PATJ: variants seen among roughly 807,000 people sequenced by gnomAD.
PATJ encodes the protein PATJ crumbs cell polarity complex component.
A neutral mutation model predicts 224.9 loss-of-function variants in PATJ; 190 were observed. The ratio of observed to expected loss-of-function variants is 0.84; its 90% CI spans 0.75 to 0.95. The LOEUF (loss-of-function observed/expected upper bound fraction) is 0.95, where lower values mean the gene tolerates loss of function less well. Among genes scored for constraint, PATJ ranks in the 40% least tolerant of loss-of-function variants. The pLI is 0.00. For synonymous variants in PATJ, 769 were observed against 820.3 expected (o/e 0.94, Z 1.07); for missense variants, 2,121 against 2,270.3 (o/e 0.93, Z 1.34).
chr1:61,866,754 G>A (rs937154215), intron 20 of PATJ, among the ~76,000 whole-genome samples: 5 of 152,108 alleles, frequency 3.3e-5, no homozygotes, highest in Admixed American at 1.3e-4. Flanking sequence ...AAATTTGAGC[G>A]AATCCATAGA....
At chr1:61,775,468 T>C (rs977292474) in intron 7 of PATJ, 134 bp downstream of exon 7, 23 of 731,736 alleles carry the variant, frequency 3.1e-5, no homozygotes, top group Middle Eastern at 3.1e-4. Flanking sequence ...TAAAAATGAT[T>C]TATTCTGTAA....
chr1:62,092,300 AC>A (rs1660845787), intron 33 of PATJ, among the ~76,000 whole-genome samples: 2 of 151,772 alleles, frequency 1.3e-5, no homozygotes, highest in South Asian at 4.2e-4. Flanking sequence ...AGATGGCTTG[AC>A]CCTGGGAGGT....
In PATJ at chr1:61,791,306, T is replaced by C. The variant is rs753298758; in HGVS notation, c.1069-42T>C. On this transcript the variant is annotated intron_variant, in intron 8 of 43. Coordinates refer to ENST00000642238, the MANE Select transcript of PATJ (RefSeq NM_001350145.3). Reference sequence around the variant, plus strand: ...CAGATTGACTATGTACACACAGGTATGCCACTAAGCATATATAATTAAATT... The same window carrying C: ...CAGATTGACTATGTACACACAGGTACGCCACTAAGCATATATAATTAAATT... The C allele has an allele frequency of 3.5e-6, 4 of 1,137,954 alleles. No homozygotes were observed. The East Asian group carries it at 7.1e-5, about 20-fold the overall frequency. 70.5% of individuals were successfully genotyped at this position (1,137,954 alleles called of 1,614,324 possible). A position where few individuals can be genotyped will look rare whatever the true frequency, so the allele number is the denominator to read the frequency against.
chr1:61,986,157 G>T (rs1397493088), intron 27 of PATJ, among the ~76,000 whole-genome samples: 1 of 152,000 alleles, frequency 6.6e-6, no homozygotes, highest in Non-Finnish European at 1.5e-5. Flanking sequence ...AATGTGTGAT[G>T]CTTCAGCCTC....
intron 6 of PATJ, among the ~76,000 whole-genome samples, chr1:61,772,444 C>T (rs1329080608): frequency 6.6e-6 from 1 of 151,922 alleles, no homozygotes; most frequent in Non-Finnish European, 1.5e-5. Context: ...TTTTGGGAAC[C>T]CTTGAACTTG....
intron 27 of PATJ, among the ~76,000 whole-genome samples, chr1:61,959,425 A>ATATATAT (rs1557944860): frequency 1.6e-5 from 1 of 61,152 alleles, no homozygotes; most frequent in African/African-American, 6.7e-5. Context: ...TATATAATAT[A>ATATATAT]TTTTTTTTCT....
chr1:62,153,163 T>G (rs1436775237), intron 42 of PATJ, among the ~76,000 whole-genome samples, 195 bp from the exon 43 acceptor site: 1 of 152,190 alleles, frequency 6.6e-6, no homozygotes, highest in East Asian at 1.9e-4. Flanking sequence ...ACATCAAGAA[T>G]ATTGGTGATT....
At chr1:62,057,869 C>T (rs1654807763) in intron 31 of PATJ, among the ~76,000 whole-genome samples, 1 of 152,162 alleles carries the variant, frequency 6.6e-6, no homozygotes, top group Admixed American at 6.5e-5. Flanking sequence ...TTAGAATTGC[C>T]CTGGACAGAT....
At chr1:62,003,142 T>G (rs534785017) in intron 28 of PATJ, among the ~76,000 whole-genome samples, 1 of 152,340 alleles carries the variant, frequency 6.6e-6, no homozygotes, top group South Asian at 2.1e-4. Flanking sequence ...TTTCATTCAT[T>G]TATTCTTTCC....
chr1:62,034,619 A>T (rs1650008298), intron 29 of PATJ, among the ~76,000 whole-genome samples: 1 of 152,180 alleles, frequency 6.6e-6, no homozygotes, highest in African/African-American at 2.4e-5. Flanking sequence ...TCTTTAAAAT[A>T]GCAGCTATGT....
intron 20 of PATJ, among the ~76,000 whole-genome samples, chr1:61,869,861 G>C (rs1666057487): frequency 6.6e-6 from 1 of 152,242 alleles, no homozygotes; most frequent in Non-Finnish European, 1.5e-5. Context: ...GCGGGTGCAG[G>C]AGCCTGGGCA....
intron 7 of PATJ, among the ~76,000 whole-genome samples, chr1:61,776,757 G>T (rs1470028452): frequency 6.7e-6 from 1 of 149,034 alleles, no homozygotes; most frequent in Non-Finnish European, 1.5e-5. Flanking sequence ...ATGGAGTCTC[G>T]CTGTGTTGCC....
At chr1:61,812,152 T>C (rs1427619505) in intron 14 of PATJ, among the ~76,000 whole-genome samples, 4 of 152,194 alleles carry the variant, frequency 2.6e-5, no homozygotes, top group African/African-American at 7.2e-5. Context: ...ATAAAGACTT[T>C]AAGTAATTCC....
intron 15 of PATJ, among the ~76,000 whole-genome samples, chr1:61,823,900 T>TA (rs1657738201): frequency 6.6e-6 from 1 of 152,196 alleles, no homozygotes; most frequent in Non-Finnish European, 1.5e-5. Flanking sequence ...GGAAAAGTGC[T>TA]ATGACTAGTT....
chr1:61,924,931 G>GACTAAAAAAT (rs1674887659), intron 26 of PATJ, among the ~76,000 whole-genome samples: 55 of 5,072 alleles, frequency 0.011, 27 homozygotes, highest in African/African-American at 0.058. Flanking sequence ...ACAGACAGGC[G>GACTAAAAAAT]GCCGGGCGCG....
At chr1:61,840,833 A>AT (rs1660972638) in intron 17 of PATJ, among the ~76,000 whole-genome samples, 2 of 152,230 alleles carry the variant, frequency 1.3e-5, no homozygotes, top group African/African-American at 4.8e-5. Flanking sequence ...ATTTTGGTAC[A>AT]TATTTACCAA....
chr1:62,134,347 T>C (rs1318449711), intron 41 of PATJ, among the ~76,000 whole-genome samples: 113 of 145,372 alleles, frequency 7.8e-4, no homozygotes, highest in Non-Finnish European at 1.6e-3. Context: ...TTTTTTTTTT[T>C]TTCTTTTTAC....
intron 41 of PATJ, among the ~76,000 whole-genome samples, chr1:62,145,830 C>T (rs144930748): frequency 0.035 from 5,216 of 150,976 alleles, 112 homozygotes; most frequent in Non-Finnish European, 0.046. Flanking sequence ...TGGTGGCATG[C>T]GCCTGTAATC....
At chr1:62,136,178 T>C (rs998940830) in intron 41 of PATJ, among the ~76,000 whole-genome samples, 2 of 151,612 alleles carry the variant, frequency 1.3e-5, no homozygotes, top group Non-Finnish European at 2.9e-5. Context: ...GATTACAGGC[T>C]CACACCGCCA....
Sources: gnomAD v4.1 joint callset for allele counts (sites outside exome capture counted in the v4.1 genomes callset) on GRCh38, gnomAD v4.1.1 for gene constraint, MANE v1.5 for transcripts, NCBI Gene and HGNC (gene_info 2026-07-23, HGNC 2026-07-21) for gene names.